CDH13: variants seen among roughly 807,000 people sequenced by gnomAD.
The protein encoded by CDH13 is cadherin 13, also known as cadherin-13.
Under a neutral mutation model 63.8 loss-of-function variants are expected in CDH13, and 24 were observed. That is an observed-to-expected ratio of 0.38 (90% CI 0.27 to 0.53). The LOEUF is 0.53. Ranked by LOEUF, CDH13 falls within the 20% of genes least tolerant of loss-of-function variation. The pLI is 0.85. For synonymous variants in CDH13, 503 were observed against 355.3 expected (o/e 1.42, Z -4.67); for missense variants, 1,049 against 903.1 (o/e 1.16, Z -2.07).
At chr16:83,479,291 A>G (rs961546688) in intron 6 of CDH13, among the ~76,000 whole-genome samples, 1 of 152,198 alleles carries the variant, frequency 6.6e-6, no homozygotes, top group African/African-American at 2.4e-5. Context: ...CCCACAAGCT[A>G]TTTCCCTCGT....
At chr16:82,901,169 A>G (rs2151243126) in intron 2 of CDH13, among the ~76,000 whole-genome samples, 1 of 152,110 alleles carries the variant, frequency 6.6e-6, no homozygotes, top group South Asian at 2.1e-4. Flanking sequence ...CAGAAGAAAA[A>G]GGTTGTTTTT....
rs117447175 is a variant in CDH13, at chr16:83,531,490, G to A, written c.960+44835G>A. ...TGAGGGGTGAGGGGCTTATAAAGCGGAGTTTCCCTGCACAAGCCCTCTTCT... is the reference window on the plus strand; with the variant it reads ...TGAGGGGTGAGGGGCTTATAAAGCGAAGTTTCCCTGCACAAGCCCTCTTCT... On this transcript the variant is annotated intron_variant, in intron 7 of 13. Coordinates refer to ENST00000567109, the MANE Select transcript of CDH13 (RefSeq NM_001257.5). 5.3e-3 allele frequency among the ~76,000 whole-genome samples: 806 copies of A among 152,348 alleles called. 1 individual carries two copies. The highest frequency in any genetic ancestry group is 8.5e-3 in the Non-Finnish European group (580 of 68,032).
intron 4 of CDH13, among the ~76,000 whole-genome samples, chr16:83,204,205 G>A (rs1004466254): frequency 2.6e-5 from 4 of 152,176 alleles, no homozygotes; most frequent in African/African-American, 2.4e-5. Flanking sequence ...CTCAGGACAC[G>A]CTTATCTGTT....
intron 3 of CDH13, among the ~76,000 whole-genome samples, chr16:83,064,037 T>C (rs1343824868): frequency 6.6e-6 from 1 of 152,124 alleles, no homozygotes; most frequent in Non-Finnish European, 1.5e-5. Flanking sequence ...GAGTCTCACA[T>C]TTCAGAGCTA....
intron 6 of CDH13, among the ~76,000 whole-genome samples, chr16:83,479,851 A>G (rs1045304075): frequency 1.3e-5 from 2 of 152,246 alleles, no homozygotes; most frequent in South Asian, 2.1e-4. Flanking sequence ...GCCATAGCAC[A>G]TAAATAGATA....
chr16:83,658,474 C>T (rs1913098888), intron 8 of CDH13, among the ~76,000 whole-genome samples: 1 of 143,314 alleles, frequency 7.0e-6, no homozygotes, highest in Non-Finnish European at 1.5e-5. Context: ...ATGTCCTCAC[C>T]ACCAGGTCCC....
At chr16:83,744,126 G>A (rs934391482) in intron 10 of CDH13, among the ~76,000 whole-genome samples, 2 of 152,216 alleles carry the variant, frequency 1.3e-5, no homozygotes, top group African/African-American at 2.4e-5. Flanking sequence ...CACCAAGCTG[G>A]GCCCAAGGAA....
chr16:82,953,062 G>A (rs1419985347), intron 2 of CDH13, among the ~76,000 whole-genome samples: 1 of 152,148 alleles, frequency 6.6e-6, no homozygotes. Context: ...CCTCTTTGCT[G>A]TACTGTTCCA....
chr16:83,005,160 C>G (rs145409136), intron 2 of CDH13, among the ~76,000 whole-genome samples: 107 of 152,284 alleles, frequency 7.0e-4, no homozygotes, highest in Non-Finnish European at 1.1e-3. Context: ...AGATGAGATT[C>G]TATTATTACA....
intron 6 of CDH13, among the ~76,000 whole-genome samples, chr16:83,429,539 C>T (rs1375298426): frequency 6.6e-6 from 1 of 152,000 alleles, no homozygotes; most frequent in Non-Finnish European, 1.5e-5. Context: ...CACACACTCA[C>T]ACAGCATTGA....
chr16:82,671,833 C>T (rs1174686451), intron 1 of CDH13, among the ~76,000 whole-genome samples: 1 of 152,154 alleles, frequency 6.6e-6, no homozygotes, highest in Non-Finnish European at 1.5e-5. Flanking sequence ...AGAAGAGAAA[C>T]ACCATGGGGC....
At chr16:83,548,022 G>C (rs894755119) in intron 7 of CDH13, among the ~76,000 whole-genome samples, 1 of 152,140 alleles carries the variant, frequency 6.6e-6, no homozygotes, top group African/African-American at 2.4e-5. Context: ...GATTTCAGTG[G>C]GGAGATGATA....
At position 82,687,120 on chromosome 16, in the gene CDH13, G is replaced by A. The variant is rs144864898; in HGVS notation, c.45+59983G>A. On this transcript the variant is annotated intron_variant, in intron 1 of 13. Transcript: ENST00000567109. ...CCATTACGTTTAGGATTTCAGGGCT[G>A]CAGGTCATCTGTTTACCTAAGATGG... Among the ~76,000 whole-genome samples, 486 of 152,298 alleles carry A rather than the reference G, an allele frequency of 3.2e-3. 3 individuals are homozygous for A. Among genetic ancestry groups the A allele is most frequent in the Non-Finnish European group, 2.5e-3 (171 of 68,028 alleles).
chr16:82,876,696 A>C (rs889638758), intron 2 of CDH13, among the ~76,000 whole-genome samples: 1 of 152,208 alleles, frequency 6.6e-6, no homozygotes, highest in African/African-American at 2.4e-5. Flanking sequence ...TCTTTATTCA[A>C]ATTCCTGGTA....
intron 1 of CDH13, among the ~76,000 whole-genome samples, chr16:82,702,064 C>T (rs770406432): frequency 2.4e-4 from 37 of 152,200 alleles, no homozygotes; most frequent in Admixed American, 3.3e-4. Flanking sequence ...TCACCTTTCC[C>T]ACTTGGCCTT....
chr16:83,403,365 T>C (rs1269931299), intron 6 of CDH13, among the ~76,000 whole-genome samples: 2 of 152,122 alleles, frequency 1.3e-5, no homozygotes. Flanking sequence ...TTAAAAATAA[T>C]GTAAATTTAG....
chr16:82,972,395 TG>T (rs1959310823), intron 2 of CDH13, among the ~76,000 whole-genome samples: 1 of 152,168 alleles, frequency 6.6e-6, no homozygotes, highest in African/African-American at 2.4e-5. Context: ...CAGAGGCTCT[TG>T]TATTTCTGAG....
At chr16:83,352,715 C>T (rs1444659251) in intron 6 of CDH13, among the ~76,000 whole-genome samples, 1 of 152,064 alleles carries the variant, frequency 6.6e-6, no homozygotes, top group East Asian at 1.9e-4. Flanking sequence ...ACGGTGAAAC[C>T]CCGTCTCTAC....
intron 1 of CDH13, among the ~76,000 whole-genome samples, chr16:82,852,805 C>G (rs1221246763): frequency 6.6e-6 from 1 of 152,192 alleles, no homozygotes; most frequent in Non-Finnish European, 1.5e-5. Context: ...GACAATTTAA[C>G]TTGATGACAG....
Sources: gnomAD v4.1 joint callset for allele counts (sites outside exome capture counted in the v4.1 genomes callset) on GRCh38, gnomAD v4.1.1 for gene constraint, MANE v1.5 for transcripts, NCBI Gene and HGNC (gene_info 2026-07-23, HGNC 2026-07-21) for gene names.